The following HECW2 variants were observed in gnomAD, a reference collection of about 807,000 sequenced individuals.
HECW2 encodes E3 ubiquitin-protein ligase HECW2.
A neutral mutation model predicts 175.2 loss-of-function variants in HECW2; 61 were observed. The ratio of observed to expected loss-of-function variants is 0.35; its 90% CI spans 0.28 to 0.43. HECW2 has a LOEUF of 0.43. Among genes scored for constraint, HECW2 ranks in the 20% least tolerant of loss-of-function variants. HECW2 has a pLI of 1.00. For synonymous variants in HECW2, 671 were observed against 731.0 expected (o/e 0.92, Z 1.32); for missense variants, 1,524 against 2,000.5 (o/e 0.76, Z 4.54).
chr2:196,207,932 C>T (rs1466200616), intron 28 of HECW2, among the ~76,000 whole-genome samples: 1 of 152,214 alleles, frequency 6.6e-6, no homozygotes, highest in Non-Finnish European at 1.5e-5. Context: ...TGAGCAGGTA[C>T]CTTCTTCACT....
chr2:196,405,129 C>A lies in HECW2; in HGVS notation c.292+28003G>T, dbSNP rs372795170. ...TACAGGTGTGAGCCATCGCGCCCGG[C>A]CCCTCCTGTTGGTAATATTTCTAAC... On this transcript the variant is annotated intron_variant, in intron 2 of 28. Transcript: ENST00000644978. Among the ~76,000 whole-genome samples the A allele has an allele frequency of 1.1e-3, 173 of 152,104 alleles. 1 individual carries two copies. The highest frequency in any genetic ancestry group is 2.0e-3 in the Non-Finnish European group (136 of 67,996).
At chr2:196,455,112 C>T (rs900525965) in intron 1 of HECW2, among the ~76,000 whole-genome samples, 5 of 151,592 alleles carry the variant, frequency 3.3e-5, no homozygotes, top group South Asian at 2.1e-4. Flanking sequence ...CGGCTCACTG[C>T]GACCTCCACC....
chr2:196,536,788 A>T (rs1295448783), intron 1 of HECW2, among the ~76,000 whole-genome samples: 4 of 152,200 alleles, frequency 2.6e-5, no homozygotes, highest in Non-Finnish European at 4.4e-5. Context: ...TGTGCTACTC[A>T]AACTGAGCAT....
rs983325652 is a variant in HECW2, at chr2:196,310,913, C to A, written c.2435-2828G>T. Among the ~76,000 whole-genome samples, 14 of 152,238 alleles carry A rather than the reference C, an allele frequency of 9.2e-5. No individual in the cohort carries two copies. In the East Asian group the frequency reaches 2.7e-3, roughly 29 times the overall value. ...CACAGTTTTGAAAAATTAGAGGACA[C>A]AATCAAACAATTGCAAAGGTCTCTT... On this transcript the variant is annotated intron_variant, in intron 10 of 28. Transcript: ENST00000644978.
chr2:196,392,285 T>C (rs1694535953), intron 2 of HECW2, among the ~76,000 whole-genome samples: 1 of 152,194 alleles, frequency 6.6e-6, no homozygotes, highest in East Asian at 1.9e-4. Context: ...CCTTCCAGAA[T>C]GAAGCCTCAG....
chr2:196,252,896 T>A (rs1688910580), intron 19 of HECW2, among the ~76,000 whole-genome samples: 1 of 152,220 alleles, frequency 6.6e-6, no homozygotes. Flanking sequence ...TTCCCACAGC[T>A]GTGTTCTCAT....
At chr2:196,324,837 T>G in intron 6 of HECW2, 143 bp downstream of exon 6, 1 of 545,944 alleles carries the variant, frequency 1.8e-6, no homozygotes, top group Admixed American at 3.3e-5. Flanking sequence ...GAGATGGGAA[T>G]AGCTCATTCT....
At chr2:196,232,032 G>A (rs952805986) in intron 21 of HECW2, among the ~76,000 whole-genome samples, 7 of 151,998 alleles carry the variant, frequency 4.6e-5, no homozygotes, top group African/African-American at 9.7e-5. Flanking sequence ...TAGGGTGTAC[G>A]CAACCTCAAG....
chr2:196,483,094 T>TAAAA (rs370614949), intron 1 of HECW2, among the ~76,000 whole-genome samples: 9,610 of 110,100 alleles, frequency 0.087, 405 homozygotes, highest in Middle Eastern at 0.13. Context: ...TTCATAGTTG[T>TAAAA]AAAAAAAAAA....
intron 15 of HECW2, among the ~76,000 whole-genome samples, chr2:196,275,235 C>T (rs1011961736): frequency 1.3e-5 from 2 of 152,094 alleles, no homozygotes; most frequent in Admixed American, 1.3e-4. Flanking sequence ...TGAGCTCCCA[C>T]AGAACAAACA....
At chr2:196,566,850 C>T (rs964853675) in intron 1 of HECW2, among the ~76,000 whole-genome samples, 2 of 151,918 alleles carry the variant, frequency 1.3e-5, no homozygotes, top group African/African-American at 4.8e-5. Flanking sequence ...ATTTTCGAGA[C>T]AACTCTCTGA....
intron 2 of HECW2, among the ~76,000 whole-genome samples, chr2:196,424,628 A>C (rs1295121603): frequency 6.6e-6 from 1 of 152,150 alleles, no homozygotes; most frequent in African/African-American, 2.4e-5. Flanking sequence ...AAAATAGTCA[A>C]AATATTCTCT....
chr2:196,502,950 T>C, intron 1 of HECW2, among the ~76,000 whole-genome samples: 1 of 152,234 alleles, frequency 6.6e-6, no homozygotes, highest in Admixed American at 6.5e-5. Context: ...TCTCTTCTTC[T>C]ACCTTGACTT....
intron 1 of HECW2, among the ~76,000 whole-genome samples, chr2:196,553,570 C>T (rs1689676387): frequency 6.6e-6 from 1 of 152,192 alleles, no homozygotes; most frequent in Admixed American, 6.5e-5. Context: ...TACTTCCAGG[C>T]ACTACCCCAC....
intron 18 of HECW2, among the ~76,000 whole-genome samples, chr2:196,255,014 C>T (rs1689001967): frequency 6.8e-6 from 1 of 146,644 alleles, no homozygotes; most frequent in African/African-American, 2.5e-5. Flanking sequence ...AGCTCTGTTG[C>T]ATGGCTGGAG....
chr2:196,229,305 T>C (rs1200076840), intron 21 of HECW2, among the ~76,000 whole-genome samples: 2 of 152,030 alleles, frequency 1.3e-5, no homozygotes, highest in African/African-American at 4.8e-5. Flanking sequence ...CATCATTGCA[T>C]TTTTTTAATG....
intron 4 of HECW2, among the ~76,000 whole-genome samples, chr2:196,332,499 G>A (rs1692403620): frequency 6.6e-6 from 1 of 152,146 alleles, no homozygotes; most frequent in South Asian, 2.1e-4. Flanking sequence ...TGTTGTATCT[G>A]TGACACTTTC....
chr2:196,493,817 C>G (rs13387145), intron 1 of HECW2, among the ~76,000 whole-genome samples: 3,263 of 152,184 alleles, frequency 0.021, 110 homozygotes, highest in African/African-American at 0.073. Context: ...GAGGGAGAAG[C>G]CTTTTATGCT....
rs150042690 is a variant in HECW2 at position 196,221,168 on chromosome 2, A to AT, written c.4147-228dup. The stretch of plus-strand genomic sequence containing the variant: ...TTTGGTGATTAAAGTATATATATGT[A>AT]TTGCTGTTACTACAGGTTAAGTTTT... On this transcript the variant is annotated intron_variant, in intron 24 of 28. Coordinates refer to ENST00000644978, the MANE Select transcript of HECW2 (RefSeq NM_001348768.2). Among the ~76,000 whole-genome samples, 1,300 of 152,270 alleles carry AT rather than the reference A, an allele frequency of 8.5e-3. 68 individuals are homozygous for AT. In the East Asian group the frequency reaches 0.15, roughly 17 times the overall value.
Sources: gnomAD v4.1 joint callset for allele counts (sites outside exome capture counted in the v4.1 genomes callset) on GRCh38, gnomAD v4.1.1 for gene constraint, MANE v1.5 for transcripts, NCBI Gene and HGNC (gene_info 2026-07-23, HGNC 2026-07-21) for gene names.